The following SDC1 variants were observed in gnomAD, a reference collection of about 807,000 sequenced individuals.
The protein encoded by SDC1 is syndecan-1.
In SDC1, 14 loss-of-function variants were observed where a neutral mutation model predicts 29.7. The observed-to-expected ratio is 0.47, with a 90% CI of 0.31 to 0.74. The LOEUF is 0.74. Among genes scored for constraint, SDC1 ranks in the 30% least tolerant of loss-of-function variants. The pLI, the probability that SDC1 is intolerant of heterozygous loss-of-function variation, is 0.05. For synonymous variants in SDC1, 204 were observed against 175.5 expected (o/e 1.16, Z -1.29); for missense variants, 406 against 400.3 (o/e 1.01, Z -0.12).
intron 2 of SDC1, 75 bp downstream of exon 2, chr2:20,205,268 G>C (rs1179995610): frequency 3.5e-6 from 4 of 1,130,002 alleles, no homozygotes; most frequent in African/African-American, 1.5e-5. Context: ...GTAAACACAG[G>C]AGACTGCCTG....
rs1279583379 is a variant in SDC1, at chr2:20,224,096, C to G, written c.66+706G>C. 2.7e-6 allele frequency: 1 copy of G among 373,156 alleles called. No individual in the cohort carries two copies. The highest frequency in any genetic ancestry group is 5.4e-6 in the Non-Finnish European group (1 of 183,606). The allele number at this position is 373,156 out of a possible 1,614,324, so 23.1% of individuals were successfully genotyped here. ...GGGAACGCGCCCTCCGGGGCCAGCT[C>G]AACTTCAGCAGCCCAGAAGTTGGGC... On this transcript the variant is annotated intron_variant, in intron 1 of 4. Coordinates refer to ENST00000254351, the MANE Select transcript of SDC1 (RefSeq NM_002997.5). The surrounding 1 kb of genome is among the most constrained non-coding windows in gnomAD (Gnocchi z 4.9).
rs1252214777 is a variant in SDC1, at chr2:20,204,065, G to C, written c.375C>G (p.Pro125=). ...TAREQEATPR[P]RETTQLPTTH... ...TGGTCGGGAGCTGTGTGGTCTCCCTGGGTCGGGGGGTGGCCTCCTGCTCCC... is the reference window on the plus strand; with the variant it reads ...TGGTCGGGAGCTGTGTGGTCTCCCTCGGTCGGGGGGTGGCCTCCTGCTCCC... The change falls in exon 3 of 5, where the codon CCC becomes CCG. Residue 125 remains proline (P), a synonymous_variant. Coordinates refer to ENST00000254351, the MANE Select transcript of SDC1 (RefSeq NM_002997.5). The C allele has an allele frequency of 1.9e-6, 3 of 1,611,148 alleles. No homozygotes were observed. The Admixed American group carries it at 5.0e-5, about 27-fold the overall frequency.
intron 1 of SDC1, among the ~76,000 whole-genome samples, chr2:20,215,826 C>G (rs1210805924): frequency 1.3e-5 from 2 of 152,186 alleles, no homozygotes; most frequent in Non-Finnish European, 2.9e-5. Context: ...TCCTCCTGGC[C>G]TCCACAACAC....
Position 20,204,057 on chromosome 2 carries a change from G to A in SDC1, c.383C>T (p.Thr128Ile). The change falls in exon 3 of 5, where the codon ACC (threonine) becomes ATC (isoleucine). Residue 128 changes from threonine (T) to isoleucine (I), a missense_variant. By Grantham distance (89) the Thr-to-Ile change is moderately conservative. Transcript: ENST00000254351. ...CAGATGAGTGGTCGGGAGCTGTGTG[G>A]TCTCCCTGGGTCGGGGGGTGGCCTC... ...EQEATPRPRE[T>I]TQLPTTHLAS... 6.2e-7 allele frequency: 1 copy of A among 1,611,690 alleles called. No individual in the cohort carries two copies. The highest frequency in any genetic ancestry group is 8.5e-7 in the Non-Finnish European group (1 of 1,179,362).
intron 1 of SDC1, among the ~76,000 whole-genome samples, chr2:20,209,258 C>T (rs1049863076): frequency 8.5e-5 from 13 of 152,196 alleles, no homozygotes; most frequent in African/African-American, 2.7e-4. Flanking sequence ...GATGAGGCAG[C>T]GGGGCTGAGA....
At chr2:20,208,190 C>A (rs185659548) in intron 1 of SDC1, 1 of 905,648 alleles carries the variant, frequency 1.1e-6, no homozygotes, top group Non-Finnish European at 1.3e-6. Context: ...TGGGAGACAC[C>A]GCCCAGTGAG....
chr2:20,214,994 T>C (rs1677586400), intron 1 of SDC1, among the ~76,000 whole-genome samples: 2 of 152,218 alleles, frequency 1.3e-5, no homozygotes, highest in Non-Finnish European at 2.9e-5. Flanking sequence ...AGCTATGTCA[T>C]CTGTCCCAAG....
intron 1 of SDC1, 109 bp from the exon 2 acceptor site, chr2:20,205,533 G>A: frequency 7.2e-6 from 6 of 838,208 alleles, no homozygotes; most frequent in Non-Finnish European, 1.2e-5. Context: ...GTGCTGCACA[G>A]GTACACAGGG....
At chr2:20,219,954 C>T (rs1042542346) in intron 1 of SDC1, among the ~76,000 whole-genome samples, 1 of 152,220 alleles carries the variant, frequency 6.6e-6, no homozygotes, top group East Asian at 1.9e-4. Context: ...AAAGAATCTG[C>T]TAATTCCAAG....
intron 1 of SDC1, among the ~76,000 whole-genome samples, chr2:20,222,380 T>C (rs1011616066): frequency 1.3e-5 from 2 of 152,158 alleles, no homozygotes; most frequent in African/African-American, 4.8e-5. Context: ...TATCAGAGCT[T>C]TGGGAAGGCA....
chr2:20,223,019 T>A (rs1677869760), intron 1 of SDC1, among the ~76,000 whole-genome samples: 1 of 152,062 alleles, frequency 6.6e-6, no homozygotes, highest in Non-Finnish European at 1.5e-5. Context: ...CAGTCTCAGT[T>A]CCACAGAAAC....
chr2:20,209,446 C>T (rs1430893113), intron 1 of SDC1, among the ~76,000 whole-genome samples: 1 of 152,204 alleles, frequency 6.6e-6, no homozygotes, highest in Non-Finnish European at 1.5e-5. Context: ...GTCTAAGGCT[C>T]CTCAGTGGGA....
intron 3 of SDC1, 98 bp from the exon 4 acceptor site, chr2:20,203,320 T>C: frequency 1.4e-6 from 2 of 1,393,198 alleles, no homozygotes; most frequent in South Asian, 1.5e-5. Flanking sequence ...GCCTCCCTGA[T>C]CTTTGCCACC....
At position 20,202,942 on chromosome 2, in the gene SDC1, C is replaced by G. The variant is rs1392591762; in HGVS notation, c.764-7G>C. ...AGGCCTCCGGCAATGACCCCTAGGG[C>G]AGGTAGACGGGGCCAGCTCAGCTCA... On this transcript the variant is annotated splice_region_variant and splice_polypyrimidine_tract_variant and intron_variant, in intron 4 of 4. Transcript: ENST00000254351. 1 of 1,603,184 alleles carries G rather than the reference C, an allele frequency of 6.2e-7. No homozygotes were observed. Among genetic ancestry groups the G allele is most frequent in the Non-Finnish European group, 8.5e-7 (1 of 1,173,146 alleles).
chr2:20,221,049 TGA>T (rs1677800183), intron 1 of SDC1, among the ~76,000 whole-genome samples: 1 of 152,116 alleles, frequency 6.6e-6, no homozygotes, highest in Non-Finnish European at 1.5e-5. Flanking sequence ...TTTTCTCCAC[TGA>T]GAGAGGCCCC....
chr2:20,202,328 AC>A lies in SDC1; in HGVS notation c.*437del, dbSNP rs747964347. 43 of 772,898 alleles carry A rather than the reference AC, an allele frequency of 5.6e-5. No individual in the cohort carries two copies. Among genetic ancestry groups the A allele is most frequent in the African/African-American group, 2.4e-4 (14 of 58,666 alleles). 47.9% of individuals were successfully genotyped at this position (772,898 alleles called of 1,614,324 possible). ...TCCTGTCCCCTGCCACTCAGCGGCCACCCCCCCAAGATGCTTGGTCCTACCA... is the reference window on the plus strand; with the variant it reads ...TCCTGTCCCCTGCCACTCAGCGGCCACCCCCCAAGATGCTTGGTCCTACCA... On this transcript the variant is annotated 3_prime_UTR_variant, in exon 5 of 5. Coordinates refer to ENST00000254351, the MANE Select transcript of SDC1 (RefSeq NM_002997.5).
intron 1 of SDC1, chr2:20,207,505 A>T (rs1230290108): frequency 4.1e-6 from 2 of 489,788 alleles, no homozygotes; most frequent in African/African-American, 4.2e-5. Context: ...GGAGTTCCAG[A>T]CCAGCCTGGC....
At chr2:20,210,627 C>G (rs1300741451) in intron 1 of SDC1, among the ~76,000 whole-genome samples, 2 of 152,224 alleles carry the variant, frequency 1.3e-5, no homozygotes, top group African/African-American at 4.8e-5. Flanking sequence ...GCCACGAAAT[C>G]CCCGGCTTCT....
At chr2:20,205,173 C>T (rs1030894059) in intron 2 of SDC1, among the ~76,000 whole-genome samples, 170 bp downstream of exon 2, 3 of 152,222 alleles carry the variant, frequency 2.0e-5, no homozygotes, top group Admixed American at 6.5e-5. Flanking sequence ...AGGCAGCTCA[C>T]GGACCCCATT....
Sources: allele counts gnomAD v4.1 joint callset (sites outside exome capture counted in the v4.1 genomes callset), GRCh38; gene constraint gnomAD v4.1.1; non-coding constraint Gnocchi (gnomAD v3.1); transcripts MANE v1.5; gene names NCBI Gene and HGNC (gene_info 2026-07-23, HGNC 2026-07-21).